BRAP: variants seen among roughly 807,000 people sequenced by gnomAD.
BRAP encodes BRCA1 associated protein.
BRAP carries 42 observed loss-of-function variants against 73.4 expected under a neutral mutation model. The observed-to-expected ratio is 0.57, with a 90% CI of 0.45 to 0.74. The LOEUF is 0.74. BRAP is among the 30% of genes least tolerant of loss of function. The pLI is 0.00. For missense variants in BRAP, 593 were observed against 751.4 expected (o/e 0.79, Z 2.46); for synonymous variants, 255 against 267.4 (o/e 0.95, Z 0.45).
intron 10 of BRAP, among the ~76,000 whole-genome samples, chr12:111,654,625 T>C (rs970627726): frequency 6.6e-6 from 1 of 152,168 alleles, no homozygotes; most frequent in African/African-American, 2.4e-5. Flanking sequence ...CTAAAGCTGA[T>C]GTTAAGCATT....
intron 10 of BRAP, among the ~76,000 whole-genome samples, chr12:111,654,009 G>C (rs1886419908): frequency 6.6e-6 from 1 of 152,194 alleles, no homozygotes; most frequent in African/African-American, 2.4e-5. Context: ...TTAGCTTCAA[G>C]GGTCTGGATG....
chr12:111,667,905 A>T (rs1354257037), intron 5 of BRAP, among the ~76,000 whole-genome samples: 2 of 151,706 alleles, frequency 1.3e-5, no homozygotes, highest in Non-Finnish European at 2.9e-5. Flanking sequence ...TCAACCATGT[A>T]ATTTTACTAG....
chr12:111,653,720 C>T (rs1338213475), intron 10 of BRAP, among the ~76,000 whole-genome samples: 1 of 152,134 alleles, frequency 6.6e-6, no homozygotes, highest in East Asian at 1.9e-4. Flanking sequence ...TACTGTTTCT[C>T]CCTGAACATG....
intron 10 of BRAP, among the ~76,000 whole-genome samples, chr12:111,653,553 A>G (rs1054455436): frequency 1.3e-5 from 2 of 152,208 alleles, no homozygotes; most frequent in African/African-American, 4.8e-5. Context: ...CTGTGCTCAC[A>G]TGCTATAATA....
chr12:111,657,772 G>A (rs1003509929), intron 9 of BRAP, among the ~76,000 whole-genome samples: 3 of 152,044 alleles, frequency 2.0e-5, no homozygotes, highest in East Asian at 2.0e-4. Flanking sequence ...CCAGCTACTC[G>A]GAAGGCTGAG....
At chr12:111,680,724 A>G (rs1044477539) in intron 3 of BRAP, among the ~76,000 whole-genome samples, 1 of 151,746 alleles carries the variant, frequency 6.6e-6, no homozygotes, top group African/African-American at 2.4e-5. Context: ...AAAACAAAAA[A>G]CAAAACAAAA....
intron 9 of BRAP, among the ~76,000 whole-genome samples, chr12:111,658,454 G>A (rs1438646988): frequency 6.6e-6 from 1 of 151,830 alleles, no homozygotes; most frequent in Non-Finnish European, 1.5e-5. Context: ...GCCTCCCGAG[G>A]AGCTGGGATT....
Position 111,644,325 on chromosome 12 carries a change from G to C in BRAP, c.1653C>G (p.Ala551=), listed in dbSNP as rs772430535. The C allele has an allele frequency of 1.9e-6, 3 of 1,614,012 alleles. No individual in the cohort carries two copies. The East Asian group carries it at 6.7e-5, about 36-fold the overall frequency. Residue 551 remains alanine, a synonymous_variant, in exon 12 of 12, where the codon GCC becomes GCG. Transcript: ENST00000419234. ...ETQQKINHLP[A]ETRQEIQEGQ... ...CCTCCTGGATTTCCTGCCGGGTCTC[G>C]GCAGGCAGATGGTTGATCTTCTGCT...
chr12:111,658,994 G>A (rs960834016), intron 8 of BRAP, 149 bp from the exon 9 acceptor site: 7 of 780,786 alleles, frequency 9.0e-6, no homozygotes, highest in African/African-American at 8.8e-5. Context: ...TTTTAGAGGG[G>A]AGGGAGAAAG....
intron 1 of BRAP, 179 bp downstream of exon 1, chr12:111,685,532 A>C: frequency 7.6e-7 from 1 of 1,317,668 alleles, no homozygotes; most frequent in Non-Finnish European, 9.8e-7. Flanking sequence ...CTTCCCTGAG[A>C]TAACAAACGG....
chr12:111,661,715 T>G (rs10774635), intron 6 of BRAP, among the ~76,000 whole-genome samples: 13,962 of 148,714 alleles, frequency 0.094, 1,921 homozygotes, highest in East Asian at 0.62. Context: ...AAAAAAAGGT[T>G]TTTTTTTTTT....
intron 5 of BRAP, chr12:111,669,953 G>C: frequency 1.6e-6 from 1 of 628,904 alleles, no homozygotes; most frequent in Non-Finnish European, 2.9e-6. Context: ...GAAGGAGTTT[G>C]GTCCAGCTGA....
At chr12:111,668,889 C>G (rs1887062178) in intron 5 of BRAP, among the ~76,000 whole-genome samples, 1 of 152,108 alleles carries the variant, frequency 6.6e-6, no homozygotes, top group Admixed American at 6.6e-5. Context: ...ATCTCCTGAC[C>G]TCGTGATCCA....
At chr12:111,685,582 G>C (rs1887790435) in intron 1 of BRAP, 129 bp downstream of exon 1, 5 of 1,376,776 alleles carry the variant, frequency 3.6e-6, no homozygotes, top group Non-Finnish European at 3.8e-6. Flanking sequence ...GAGGGATCCC[G>C]ATTACCTCTC....
rs532131258 is a variant in BRAP at position 111,655,192 on chromosome 12, C to T, written c.1311+374G>A. 2.0e-5 allele frequency among the ~76,000 whole-genome samples: 3 copies of T among 152,236 alleles called. No individual in the cohort carries two copies. In the South Asian group the frequency reaches 6.2e-4, roughly 32 times the overall value. On this transcript the variant is annotated intron_variant, in intron 10 of 11. Coordinates refer to ENST00000419234, the MANE Select transcript of BRAP (RefSeq NM_006768.5). ...TCCTTCCATTTAGAAAGGCTCTGCGCCATTTCATTGCCTTAGAAGTTCATG... is the reference window on the plus strand; with the variant it reads ...TCCTTCCATTTAGAAAGGCTCTGCGTCATTTCATTGCCTTAGAAGTTCATG...
intron 10 of BRAP, among the ~76,000 whole-genome samples, chr12:111,650,457 G>A (rs1566110721): frequency 1.3e-5 from 2 of 152,146 alleles, no homozygotes; most frequent in Non-Finnish European, 2.9e-5. Context: ...GTAGAGACAG[G>A]GTTTCATCAT....
At chr12:111,664,212 G>C (rs1304404050) in intron 6 of BRAP, among the ~76,000 whole-genome samples, 1 of 152,100 alleles carries the variant, frequency 6.6e-6, no homozygotes, top group African/African-American at 2.4e-5. Context: ...CACACCTGTA[G>C]TCCCAGCTAC....
rs149625948 is a variant in BRAP, at chr12:111,684,284, G to A, written c.83-977C>T. On this transcript the variant is annotated intron_variant, in intron 1 of 11. Coordinates refer to ENST00000419234, the MANE Select transcript of BRAP (RefSeq NM_006768.5). ...AATGACTACATGACTGACCCATGCA[G>A]ATGTCTATATGCGGCTAATATCAAT... Among the ~76,000 whole-genome samples, 3 of 152,312 alleles carry A rather than the reference G, an allele frequency of 2.0e-5. No homozygotes were observed. The East Asian group carries it at 5.8e-4, about 29-fold the overall frequency.
At chr12:111,667,697 T>C (rs1886998184) in intron 5 of BRAP, among the ~76,000 whole-genome samples, 1 of 17,626 alleles carries the variant, frequency 5.7e-5, no homozygotes, top group Non-Finnish European at 7.4e-5. Flanking sequence ...AAACTCCGTC[T>C]CAAAAAAAAA....
Sources: allele counts gnomAD v4.1 joint callset (sites outside exome capture counted in the v4.1 genomes callset), GRCh38; gene constraint gnomAD v4.1.1; transcripts MANE v1.5; gene names NCBI Gene and HGNC (gene_info 2026-07-23, HGNC 2026-07-21).